The following GLDC variants were observed in gnomAD, a reference collection of about 807,000 sequenced individuals.
GLDC encodes glycine decarboxylase, also known as glycine dehydrogenase (decarboxylating), mitochondrial.
In GLDC, 104 loss-of-function variants were observed where a neutral mutation model predicts 121.3. The observed-to-expected ratio is 0.86, with a 90% CI of 0.73 to 1.01. The LOEUF (loss-of-function observed/expected upper bound fraction) is 1.01, where lower values mean the gene tolerates loss of function less well. Ranked by LOEUF, GLDC falls within the 50% of genes least tolerant of loss-of-function variation. GLDC has a pLI of 0.00. For synonymous variants in GLDC, 546 were observed against 480.6 expected, an observed-to-expected ratio of 1.14 and a Z score of -1.78; for missense variants, 1,429 against 1,306.6, an observed-to-expected ratio of 1.09 and a Z score of -1.44.
intron 2 of GLDC, among the ~76,000 whole-genome samples, chr9:6,637,701 A>G (rs1415183286): frequency 6.6e-6 from 1 of 152,106 alleles, no homozygotes. Context: ...TCCTGGCCTC[A>G]AGTGATCCAT....
Position 6,534,784 on chromosome 9 carries a change from G to T in GLDC, c.2843C>A (p.Ser948Tyr). 1 of 1,578,252 alleles carries T rather than the reference G, an allele frequency of 6.3e-7. No individual in the cohort carries two copies. The highest frequency in any genetic ancestry group is 8.7e-7 in the Non-Finnish European group (1 of 1,147,370). The change falls in exon 24 of 25, where the codon TCT (serine) becomes TAT (tyrosine). Residue 948 changes from serine (S) to tyrosine (Y), a missense_variant. By Grantham distance (144) the Ser-to-Tyr change is moderately radical. Coordinates refer to ENST00000321612, the MANE Select transcript of GLDC (RefSeq NM_000170.3). Reference protein sequence around the residue: ...IDPRVNPLKMSPHSLTCVTSS... With the variant: ...IDPRVNPLKMYPHSLTCVTSS... ...TGTAACGCAGGTCAGGGAGTGTGGA[G>T]ACATCTGAGACAGAGACACGGACAG...
Position 6,556,165 on chromosome 9 carries a change from A to C in GLDC, c.2190T>G (p.Asn730Lys). 1 of 1,612,602 alleles carries C rather than the reference A, an allele frequency of 6.2e-7. No homozygotes were observed. Among genetic ancestry groups the C allele is most frequent in the Non-Finnish European group, 8.5e-7 (1 of 1,179,426 alleles). ...CTTCAGTTCCCACCTGAGCATTCAT[A>C]TTTGCCCCGTCTAGGTAGACCTGTC... ...HGGQVYLDGA[N>K]MNAQVGICRP... The change falls in exon 18 of 25, where the codon AAT (asparagine) becomes AAG (lysine). Residue 730 changes from asparagine to lysine, a missense_variant. By Grantham distance (94) the Asn-to-Lys change is moderately conservative (BLOSUM62 0). Transcript: ENST00000321612.
At chr9:6,627,642 C>T (rs553952986) in intron 2 of GLDC, among the ~76,000 whole-genome samples, 22 of 152,142 alleles carry the variant, frequency 1.4e-4, no homozygotes, top group Non-Finnish European at 3.1e-4. Context: ...GGTCCCTAGT[C>T]ACGCTTCTTT....
chr9:6,622,716 T>G (rs887548066), intron 2 of GLDC: 4 of 196,910 alleles, frequency 2.0e-5, no homozygotes, highest in African/African-American at 9.8e-5. Context: ...GTCTGGGATG[T>G]GAGGAGCCCC....
chr9:6,589,396 C>G (rs1191637481), intron 11 of GLDC, 104 bp from the exon 12 acceptor site: 16 of 618,422 alleles, frequency 2.6e-5, no homozygotes, highest in Non-Finnish European at 4.1e-5. Context: ...CAAAATGGAT[C>G]AAATATATAA....
intron 2 of GLDC, among the ~76,000 whole-genome samples, chr9:6,629,516 T>C (rs527757044): frequency 4.9e-4 from 75 of 152,218 alleles, no homozygotes; most frequent in Admixed American, 9.8e-4. Flanking sequence ...GACTAGGTTT[T>C]AATATCCTGT....
intron 11 of GLDC, among the ~76,000 whole-genome samples, chr9:6,590,520 C>T (rs1297403760): frequency 6.6e-6 from 1 of 152,008 alleles, no homozygotes; most frequent in Non-Finnish European, 1.5e-5. Flanking sequence ...GCACCTCCCT[C>T]CTCTCTCTCT....
chr9:6,588,809 A>G (rs1234264090), intron 12 of GLDC, 107 bp from the exon 13 acceptor site: 2 of 776,500 alleles, frequency 2.6e-6, no homozygotes, highest in Non-Finnish European at 4.6e-6. Context: ...AATGCAGATC[A>G]ATTTTGGCCA....
At chr9:6,566,504 C>G (rs867895687) in intron 15 of GLDC, 26 of 152,230 alleles carry the variant, frequency 1.7e-4, no homozygotes, top group African/African-American at 6.0e-4. Context: ...CTGGCAGTCT[C>G]AGGTTCGGCT....
intron 2 of GLDC, 97 bp downstream of exon 2, chr9:6,644,517 T>C: frequency 2.4e-6 from 2 of 826,846 alleles, no homozygotes; most frequent in South Asian, 1.4e-5. Flanking sequence ...TTCCCAGTCC[T>C]GAGCAATCCT....
intron 3 of GLDC, among the ~76,000 whole-genome samples, chr9:6,611,604 AAT>A (rs1401487268): frequency 1.3e-5 from 2 of 152,122 alleles, no homozygotes; most frequent in Non-Finnish European, 2.9e-5. Flanking sequence ...CACATCAGCA[AAT>A]ATGTTTTACA....
chr9:6,594,557 A>G (rs1003391610), intron 9 of GLDC, among the ~76,000 whole-genome samples: 4 of 152,112 alleles, frequency 2.6e-5, no homozygotes, highest in African/African-American at 4.8e-5. Context: ...TTAGCCAGAC[A>G]TGGTGGCGTG....
At chr9:6,540,583 C>G (rs1047602968) in intron 21 of GLDC, 1 of 196,262 alleles carries the variant, frequency 5.1e-6, no homozygotes, top group Non-Finnish European at 1.1e-5. Context: ...CCCTCAACAT[C>G]AAATAATTAC....
intron 2 of GLDC, among the ~76,000 whole-genome samples, chr9:6,642,547 A>G (rs1819650528): frequency 6.6e-6 from 1 of 152,096 alleles, no homozygotes; most frequent in Admixed American, 6.5e-5. Context: ...AAAAATAAAA[A>G]ATAAAAAAAT....
intron 15 of GLDC, among the ~76,000 whole-genome samples, chr9:6,574,957 C>T (rs78081114): frequency 2.0e-5 from 3 of 152,108 alleles, no homozygotes; most frequent in Admixed American, 6.6e-5. Flanking sequence ...TCTTGCTAAA[C>T]CTTTCTCTTT....
At chr9:6,633,849 A>ATTTTT (rs1819441667) in intron 2 of GLDC, among the ~76,000 whole-genome samples, 1 of 26,302 alleles carries the variant, frequency 3.8e-5, no homozygotes, top group Non-Finnish European at 5.4e-5. Flanking sequence ...TTTTTTTTTG[A>ATTTTT]GACGGAGTCT....
At chr9:6,605,326 G>C (rs1172724255) in intron 5 of GLDC, 48 bp from the exon 6 acceptor site, 10 of 1,590,804 alleles carry the variant, frequency 6.3e-6, no homozygotes, top group African/African-American at 5.4e-5. Context: ...GTTTATAAGG[G>C]AAAATTAATT....
rs142004524 is a variant in GLDC at position 6,533,125 on chromosome 9, C to G, written c.2955G>C (p.Thr985=). The G allele has an allele frequency of 6.2e-7, 1 of 1,612,896 alleles. No individual in the cohort carries two copies. Among genetic ancestry groups the G allele is most frequent in the South Asian group, 1.1e-5 (1 of 91,044 alleles). Residue 985 remains threonine, a synonymous_variant, in exon 25 of 25, where the codon ACG becomes ACC. Transcript: ENST00000321612. The stretch of plus-strand genomic sequence containing the variant: ...CATATATGTCATCAATCCGGGCAAT[C>G]GTTGGCCAGAATTTGTTCTCTGGTT... The part of the protein sequence containing the change: ...FVKPENKFWP[T]IARIDDIYGD...
intron 8 of GLDC, among the ~76,000 whole-genome samples, chr9:6,600,626 C>T (rs1006609606): frequency 1.3e-5 from 2 of 151,200 alleles, no homozygotes; most frequent in African/African-American, 2.4e-5. Flanking sequence ...GCCAAGATTG[C>T]GCCACCCCAT....
Sources: allele counts gnomAD v4.1 joint callset (sites outside exome capture counted in the v4.1 genomes callset), GRCh38; gene constraint gnomAD v4.1.1; transcripts MANE v1.5; gene names NCBI Gene and HGNC (gene_info 2026-07-23, HGNC 2026-07-21).